Variants in DLGAP1 observed in about 807,000 individuals in gnomAD.
DLGAP1 encodes disks large-associated protein 1.
Under a neutral mutation model 90.8 loss-of-function variants are expected in DLGAP1, and 11 were observed. The ratio of observed to expected loss-of-function variants is 0.12; its 90% confidence interval spans 0.08 to 0.20. The LOEUF (loss-of-function observed/expected upper bound fraction) is 0.20, where lower values mean the gene tolerates loss of function less well. DLGAP1 is among the 10% of genes least tolerant of loss of function. The pLI, the probability that DLGAP1 is intolerant of heterozygous loss-of-function variation, is 1.00. For missense variants in DLGAP1, 1,050 were observed against 1,333.8 expected, an observed-to-expected ratio of 0.79 and a Z score of 3.31; for synonymous variants, 558 against 540.7, an observed-to-expected ratio of 1.03 and a Z score of -0.44.
At chr18:3,695,149 T>A (rs2061049894) in intron 7 of DLGAP1, among the ~76,000 whole-genome samples, 1 of 151,974 alleles carries the variant, frequency 6.6e-6, no homozygotes. Flanking sequence ...TTTCACCGTG[T>A]TAGCCAGGAT....
At chr18:3,550,582 C>A (rs533776427) in intron 9 of DLGAP1, among the ~76,000 whole-genome samples, 1 of 152,094 alleles carries the variant, frequency 6.6e-6, no homozygotes, top group Admixed American at 6.6e-5. Context: ...TCCAGTATGA[C>A]TGGTGTCCTT....
chr18:3,891,824 T>C (rs1358479401), intron 3 of DLGAP1: 6 of 152,092 alleles, frequency 3.9e-5, no homozygotes, highest in Non-Finnish European at 8.8e-5. Context: ...GGATTATAGC[T>C]CACTGTAACC....
chr18:3,569,129 G>A (rs2054614417), intron 8 of DLGAP1, among the ~76,000 whole-genome samples: 1 of 151,576 alleles, frequency 6.6e-6, no homozygotes, highest in Non-Finnish European at 1.5e-5. Flanking sequence ...AGCCTCCCGA[G>A]TAGCTGAAAT....
At chr18:4,294,218 A>T (rs933208649) in intron 1 of DLGAP1, 2 of 152,188 alleles carry the variant, frequency 1.3e-5, no homozygotes. Flanking sequence ...CAAACTATAC[A>T]TTCTTTCCAG....
intron 1 of DLGAP1, among the ~76,000 whole-genome samples, chr18:4,389,289 A>G (rs987494428): frequency 6.6e-6 from 1 of 152,228 alleles, no homozygotes; most frequent in Non-Finnish European, 1.5e-5. Context: ...GATTCTACTT[A>G]AATGAAGTGT....
intron 7 of DLGAP1, chr18:3,655,488 T>C (rs2059450798): frequency 6.6e-6 from 1 of 152,252 alleles, no homozygotes; most frequent in Non-Finnish European, 1.5e-5. Flanking sequence ...TCTTCTCGGC[T>C]TTTTGAACGT....
At chr18:3,595,427 A>C (rs2056523943) in intron 7 of DLGAP1, among the ~76,000 whole-genome samples, 1 of 152,196 alleles carries the variant, frequency 6.6e-6, no homozygotes, top group African/African-American at 2.4e-5. Context: ...ACCATATGTA[A>C]ATCCAGTTGT....
intron 1 of DLGAP1, among the ~76,000 whole-genome samples, chr18:4,261,771 G>C: frequency 6.6e-6 from 1 of 152,128 alleles, no homozygotes; most frequent in East Asian, 1.9e-4. Flanking sequence ...TGTTCCTCAT[G>C]CTAAAAGGTA....
chr18:4,066,869 T>A (rs146745772), intron 2 of DLGAP1, among the ~76,000 whole-genome samples: 1 of 152,052 alleles, frequency 6.6e-6, no homozygotes, highest in South Asian at 2.1e-4. Flanking sequence ...GAAAAACACA[T>A]GCATGTGAAT....
intron 3 of DLGAP1, among the ~76,000 whole-genome samples, chr18:3,941,736 AG>A (rs2072773728): frequency 6.6e-6 from 1 of 152,212 alleles, no homozygotes; most frequent in South Asian, 2.1e-4. Flanking sequence ...TTTTTGAGAC[AG>A]GGTCTTGCCT....
chr18:3,791,197 C>T (rs1463728962), intron 5 of DLGAP1, among the ~76,000 whole-genome samples: 2 of 152,140 alleles, frequency 1.3e-5, no homozygotes, highest in Non-Finnish European at 2.9e-5. Flanking sequence ...GAAAAGTAGG[C>T]ACAGGCATTG....
intron 7 of DLGAP1, among the ~76,000 whole-genome samples, chr18:3,595,128 G>A (rs541711157): frequency 9.6e-4 from 146 of 152,326 alleles, no homozygotes; most frequent in Admixed American, 2.3e-3. Flanking sequence ...TAGAGGAATA[G>A]CTACAGCTGG....
chr18:4,092,241 C>T (rs1239369569), intron 2 of DLGAP1, among the ~76,000 whole-genome samples: 3 of 152,174 alleles, frequency 2.0e-5, no homozygotes, highest in Non-Finnish European at 4.4e-5. Flanking sequence ...GGAGCTCTTC[C>T]TTGCTCTCCC....
At chr18:3,976,182 CT>C (rs2073570743) in intron 3 of DLGAP1, among the ~76,000 whole-genome samples, 1 of 127,276 alleles carries the variant, frequency 7.9e-6, no homozygotes, top group Non-Finnish European at 1.7e-5. Flanking sequence ...CCCGTCTCTA[CT>C]AAAAATACAA....
intron 5 of DLGAP1, among the ~76,000 whole-genome samples, chr18:3,751,346 G>A (rs1049625963): frequency 6.6e-6 from 1 of 151,994 alleles, no homozygotes; most frequent in African/African-American, 2.4e-5. Context: ...GCCCAGGCTG[G>A]AGTGCAATGG....
At chr18:3,531,717 A>G (rs1172660328) in intron 10 of DLGAP1, among the ~76,000 whole-genome samples, 1 of 152,032 alleles carries the variant, frequency 6.6e-6, no homozygotes, top group Non-Finnish European at 1.5e-5. Context: ...TCCTGACCTC[A>G]AGTGATCTAC....
intron 1 of DLGAP1, among the ~76,000 whole-genome samples, chr18:4,204,540 C>T (rs1355639178): frequency 1.1e-4 from 17 of 150,412 alleles, no homozygotes; most frequent in African/African-American, 1.7e-4. Context: ...TTTTTCTGAC[C>T]GCAGTGCATC....
chr18:4,084,911 T>C lies in DLGAP1; in HGVS notation c.-159+66269A>G, dbSNP rs534738878. 2.2e-3 allele frequency among the ~76,000 whole-genome samples: 336 copies of C among 151,900 alleles called. 3 individuals are homozygous for C. Among genetic ancestry groups the C allele is most frequent in the African/African-American group, 7.8e-3 (324 of 41,386 alleles). ...ATTTTATTCTGTTTAAGTTTTGTTGTTTATGATTGACTCTAAATCAAAGAG... is the reference window on the plus strand; with the variant it reads ...ATTTTATTCTGTTTAAGTTTTGTTGCTTATGATTGACTCTAAATCAAAGAG... On this transcript the variant is annotated intron_variant, in intron 2 of 12. Transcript: ENST00000315677. The surrounding 1 kb of genome is among the most constrained non-coding windows in gnomAD (Gnocchi z 4.0).
chr18:4,121,563 A>G (rs2144113003), intron 2 of DLGAP1, among the ~76,000 whole-genome samples: 1 of 152,056 alleles, frequency 6.6e-6, no homozygotes, highest in African/African-American at 2.4e-5. Context: ...TGCCTTCATC[A>G]AGAATCCTGT....
Sources: gnomAD v4.1 joint callset for allele counts (sites outside exome capture counted in the v4.1 genomes callset) on GRCh38, gnomAD v4.1.1 for gene constraint, Gnocchi (gnomAD v3.1) non-coding constraint, MANE v1.5 for transcripts, NCBI Gene and HGNC (gene_info 2026-07-23, HGNC 2026-07-21) for gene names.